The following SDK1 variants were observed in gnomAD, a reference collection of about 807,000 sequenced individuals.
SDK1 encodes the protein sidekick cell adhesion molecule 1, also known as protein sidekick-1.
SDK1 carries 157 observed loss-of-function variants against 245.5 expected under a neutral mutation model. The ratio of observed to expected loss-of-function variants is 0.64; its 90% CI spans 0.56 to 0.73. The LOEUF (loss-of-function observed/expected upper bound fraction) is 0.73. SDK1 is among the 30% of genes least tolerant of loss of function. The pLI is 0.00. For synonymous variants in SDK1, 1,647 were observed against 1,278.5 expected (o/e 1.29, Z -6.15); for missense variants, 3,583 against 3,002.3 (o/e 1.19, Z -4.52).
rs917342759 is a variant in SDK1 at position 3,559,280 on chromosome 7, G to A, written c.299-59800G>A. On this transcript the variant is annotated intron_variant, in intron 1 of 44. Coordinates refer to ENST00000404826, the MANE Select transcript of SDK1 (RefSeq NM_152744.4). ...TCTGACTTGATAGCACATCAACACA[G>A]TAAGCCTCATTTTGAACAGTTCTGC... is the stretch of plus-strand genomic sequence containing the variant. Among the ~76,000 whole-genome samples, 3 of 152,154 alleles carry A rather than the reference G, an allele frequency of 2.0e-5. No homozygotes were observed. The East Asian group carries it at 5.8e-4, about 29-fold the overall frequency.
chr7:3,875,901 C>T (rs1179376581), intron 5 of SDK1, among the ~76,000 whole-genome samples: 1 of 152,160 alleles, frequency 6.6e-6, no homozygotes, highest in Non-Finnish European at 1.5e-5. Context: ...TCCTTAACTC[C>T]TACCATCAGG....
chr7:3,469,119 G>T (rs1371563125), intron 1 of SDK1, among the ~76,000 whole-genome samples: 1 of 151,916 alleles, frequency 6.6e-6, no homozygotes, highest in Non-Finnish European at 1.5e-5. Flanking sequence ...TTCGAATTTC[G>T]TGTCAATTAT....
chr7:3,707,186 C>G (rs759932185), intron 4 of SDK1, among the ~76,000 whole-genome samples: 5 of 152,146 alleles, frequency 3.3e-5, no homozygotes, highest in Non-Finnish European at 7.4e-5. Flanking sequence ...TGTGGAGGCA[C>G]TTTATGCTAT....
chr7:3,942,901 C>T (rs932236876), intron 5 of SDK1, among the ~76,000 whole-genome samples: 3 of 152,186 alleles, frequency 2.0e-5, no homozygotes, highest in African/African-American at 7.2e-5. Context: ...GCCTGAGTCT[C>T]ATGGCTCAGG....
chr7:4,030,713 T>C (rs1216080347), intron 17 of SDK1, among the ~76,000 whole-genome samples: 1 of 152,230 alleles, frequency 6.6e-6, no homozygotes, highest in Non-Finnish European at 1.5e-5. Flanking sequence ...GGAGCGTATG[T>C]ATTCCAGCTT....
chr7:4,073,764 C>A (rs1780424305), intron 20 of SDK1, among the ~76,000 whole-genome samples: 1 of 152,176 alleles, frequency 6.6e-6, no homozygotes, highest in South Asian at 2.1e-4. Flanking sequence ...GGGTCTCGTG[C>A]ACCATGAGAA....
chr7:3,866,258 C>G (rs1002610746), intron 5 of SDK1, among the ~76,000 whole-genome samples: 1 of 152,184 alleles, frequency 6.6e-6, no homozygotes, highest in Admixed American at 6.5e-5. Flanking sequence ...GATTGTGCAT[C>G]TCTCACTGGA....
rs551389185 is a variant in SDK1, at chr7:3,740,171, A to G, written c.714-81279A>G. Among the ~76,000 whole-genome samples the G allele has an allele frequency of 2.6e-5, 4 of 152,310 alleles. 1 individual carries two copies. The highest frequency in any genetic ancestry group is 9.6e-5 in the African/African-American group (4 of 41,568). On this transcript the variant is annotated intron_variant, in intron 4 of 44. Transcript: ENST00000404826. ...ACCCTCCACTTGCTTGCTTAGAGCC[A>G]GAGGTCAGTCAGAGGTGACGTACAC...
chr7:3,548,727 C>T (rs1349559653), intron 1 of SDK1, among the ~76,000 whole-genome samples: 1 of 152,300 alleles, frequency 6.6e-6, no homozygotes. Flanking sequence ...TTTTTCTCTT[C>T]AGACCATCTT....
intron 1 of SDK1, among the ~76,000 whole-genome samples, chr7:3,483,286 T>A (rs1240260690): frequency 6.6e-6 from 1 of 152,226 alleles, no homozygotes; most frequent in Non-Finnish European, 1.5e-5. Flanking sequence ...AGTCAAGTTT[T>A]ATAGTTGTCT....
intron 5 of SDK1, among the ~76,000 whole-genome samples, chr7:3,920,261 G>A (rs757908543): frequency 4.6e-5 from 7 of 152,188 alleles, no homozygotes; most frequent in Non-Finnish European, 8.8e-5. Flanking sequence ...GCCTAGGGGT[G>A]TTTTAGGAAG....
intron 30 of SDK1, among the ~76,000 whole-genome samples, chr7:4,157,252 G>A (rs1469043845): frequency 2.0e-5 from 3 of 151,302 alleles, no homozygotes; most frequent in African/African-American, 4.9e-5. Context: ...CTGGACGGAC[G>A]GACGGAAGGA....
At chr7:3,677,402 G>A (rs1783938816) in intron 4 of SDK1, among the ~76,000 whole-genome samples, 1 of 152,196 alleles carries the variant, frequency 6.6e-6, no homozygotes, top group Admixed American at 6.5e-5. Context: ...CCACATGGCT[G>A]GGGAGGCCTC....
At chr7:4,167,430 A>AC (rs1781565874) in intron 32 of SDK1, among the ~76,000 whole-genome samples, 5 of 150,610 alleles carry the variant, frequency 3.3e-5, no homozygotes, top group African/African-American at 1.2e-4. Flanking sequence ...AACAGCAACA[A>AC]AAAAACGGGC....
At position 3,627,720 on chromosome 7, in the gene SDK1, A is replaced by T. The variant is rs149331769; in HGVS notation, c.458+8481A>T. Among the ~76,000 whole-genome samples, 232 of 152,306 alleles carry T rather than the reference A, an allele frequency of 1.5e-3. 1 individual carries two copies. Among genetic ancestry groups the T allele is most frequent in the African/African-American group, 5.3e-3 (222 of 41,560 alleles). ...CAGTCCTTGCCAACATGACCGATTG[A>T]TGTCCCATTTTATTAGTTGAGAAGA... On this transcript the variant is annotated intron_variant, in intron 2 of 44. Coordinates refer to ENST00000404826, the MANE Select transcript of SDK1 (RefSeq NM_152744.4).
intron 5 of SDK1, among the ~76,000 whole-genome samples, chr7:3,854,597 T>C (rs1780495922): frequency 6.6e-6 from 1 of 152,222 alleles, no homozygotes; most frequent in African/African-American, 2.4e-5. Context: ...TATATTTTTA[T>C]TCATGAAATT....
At chr7:3,705,642 A>C (rs1179158686) in intron 4 of SDK1, among the ~76,000 whole-genome samples, 1 of 152,120 alleles carries the variant, frequency 6.6e-6, no homozygotes, top group African/African-American at 2.4e-5. Context: ...TATCGAATCA[A>C]GTAGTCCTTT....
At chr7:3,678,809 A>G (rs1784000117) in intron 4 of SDK1, among the ~76,000 whole-genome samples, 1 of 152,230 alleles carries the variant, frequency 6.6e-6, no homozygotes, top group Non-Finnish European at 1.5e-5. Context: ...CAGTTTTTTA[A>G]AAAGCAATTC....
intron 13 of SDK1, among the ~76,000 whole-genome samples, chr7:3,986,222 T>G (rs1783817889): frequency 6.6e-6 from 1 of 152,192 alleles, no homozygotes; most frequent in South Asian, 2.1e-4. Context: ...AACTAGTAAC[T>G]TATTTAAAGA....
Sources: allele counts gnomAD v4.1 joint callset (sites outside exome capture counted in the v4.1 genomes callset), GRCh38; gene constraint gnomAD v4.1.1; transcripts MANE v1.5; gene names NCBI Gene and HGNC (gene_info 2026-07-23, HGNC 2026-07-21).